Variants in PLD5 observed in about 807,000 individuals in gnomAD.
PLD5 encodes inactive phospholipase D5.
PLD5 carries 36 observed loss-of-function variants against 61.1 expected under a neutral mutation model. The observed-to-expected ratio is 0.59, with a 90% confidence interval of 0.45 to 0.78. The LOEUF (loss-of-function observed/expected upper bound fraction) is 0.78. Among genes scored for constraint, PLD5 ranks in the 30% least tolerant of loss-of-function variants. PLD5 has a pLI of 0.00. For synonymous variants in PLD5, 243 were observed against 242.8 expected (o/e 1.00, Z -0.01); for missense variants, 515 against 644.4 (o/e 0.80, Z 2.17).
In PLD5 at chr1:242,271,766, A is replaced by T. The variant is rs543277152; in HGVS notation, c.496-6318T>A. ...TAAATAACACTGAACACCATCAAAGAAGATGAGGGGAGAAGAAATAAGTGA... is the reference window on the plus strand; with the variant it reads ...TAAATAACACTGAACACCATCAAAGTAGATGAGGGGAGAAGAAATAAGTGA... On this transcript the variant is annotated intron_variant, in intron 3 of 9. Coordinates refer to ENST00000536534, the MANE Select transcript of PLD5 (RefSeq NM_001372062.1). Among the ~76,000 whole-genome samples, 15 of 152,264 alleles carry T rather than the reference A, an allele frequency of 9.9e-5. No homozygotes were observed. In the South Asian group the frequency reaches 3.1e-3, roughly 32 times the overall value.
intron 1 of PLD5, among the ~76,000 whole-genome samples, chr1:242,483,276 G>A (rs1034962872): frequency 1.9e-4 from 29 of 152,238 alleles, no homozygotes; most frequent in Admixed American, 5.9e-4. Context: ...ATTGGATAAA[G>A]AGTCAAGACC....
intron 5 of PLD5, among the ~76,000 whole-genome samples, chr1:242,207,852 TTATATATTTA>T (rs1558344121): frequency 6.5e-4 from 18 of 27,796 alleles, no homozygotes; most frequent in South Asian, 3.1e-3. Flanking sequence ...TTATATATAT[TTATATATTTA>T]TATATTTATA....
At chr1:242,385,374 G>A (rs958396655) in intron 1 of PLD5, among the ~76,000 whole-genome samples, 2 of 152,062 alleles carry the variant, frequency 1.3e-5, no homozygotes, top group Non-Finnish European at 2.9e-5. Context: ...CTCCTAGATC[G>A]ATTGTATTAC....
chr1:242,171,692 G>C (rs1453956721), intron 5 of PLD5, among the ~76,000 whole-genome samples: 1 of 147,774 alleles, frequency 6.8e-6, no homozygotes, highest in Admixed American at 6.9e-5. Flanking sequence ...AAGAGAGGGA[G>C]GAATATTTAC....
intron 1 of PLD5, among the ~76,000 whole-genome samples, chr1:242,461,317 A>G (rs967174838): frequency 6.6e-5 from 10 of 152,132 alleles, no homozygotes; most frequent in African/African-American, 2.2e-4. Flanking sequence ...GATATTTTAT[A>G]TTGATTTATT....
At chr1:242,171,200 A>C (rs367604673) in intron 5 of PLD5, among the ~76,000 whole-genome samples, 1 of 152,362 alleles carries the variant, frequency 6.6e-6, no homozygotes, top group East Asian at 1.9e-4. Context: ...CTCTGCAGAA[A>C]GCCTACAAGC....
chr1:242,436,642 T>A (rs1002618865), intron 1 of PLD5, among the ~76,000 whole-genome samples: 4 of 152,228 alleles, frequency 2.6e-5, no homozygotes, highest in African/African-American at 9.6e-5. Flanking sequence ...AGAGATTTGA[T>A]GTTTATCGAG....
intron 2 of PLD5, among the ~76,000 whole-genome samples, chr1:242,299,617 T>A (rs955961095): frequency 5.3e-5 from 8 of 152,226 alleles, no homozygotes; most frequent in African/African-American, 1.7e-4. Flanking sequence ...CTGGGTGTTT[T>A]TCCCCCCAAG....
chr1:242,458,042 T>A (rs1157970726), intron 1 of PLD5, among the ~76,000 whole-genome samples: 1 of 152,190 alleles, frequency 6.6e-6, no homozygotes, highest in Non-Finnish European at 1.5e-5. Flanking sequence ...TGGATGTCTC[T>A]CATTAGATAT....
intron 5 of PLD5, among the ~76,000 whole-genome samples, chr1:242,168,523 T>C (rs538970167): frequency 1.4e-4 from 21 of 152,296 alleles, no homozygotes; most frequent in African/African-American, 4.8e-4. Flanking sequence ...TAATTTGGGG[T>C]TACAGAATAC....
chr1:242,467,814 C>G (rs1210697039), intron 1 of PLD5, among the ~76,000 whole-genome samples: 1 of 152,056 alleles, frequency 6.6e-6, no homozygotes, highest in African/African-American at 2.4e-5. Context: ...CCAAAATGGC[C>G]TTTGTTAGAG....
At chr1:242,335,285 G>A (rs1301687024) in intron 2 of PLD5, among the ~76,000 whole-genome samples, 1 of 152,048 alleles carries the variant, frequency 6.6e-6, no homozygotes, top group South Asian at 2.1e-4. Flanking sequence ...CACAATATCT[G>A]CCTTAGTATA....
chr1:242,480,509 T>G (rs1411381347), intron 1 of PLD5, among the ~76,000 whole-genome samples: 1 of 151,856 alleles, frequency 6.6e-6, no homozygotes, highest in Non-Finnish European at 1.5e-5. Flanking sequence ...AAATCAGATG[T>G]CATCAAAATG....
chr1:242,326,306 T>C (rs1658776777), intron 2 of PLD5, among the ~76,000 whole-genome samples: 1 of 151,712 alleles, frequency 6.6e-6, no homozygotes, highest in Non-Finnish European at 1.5e-5. Flanking sequence ...ATACTAAAGA[T>C]AAAGGTACTG....
At chr1:242,117,350 C>G (rs573672078) in intron 6 of PLD5, among the ~76,000 whole-genome samples, 2 of 151,462 alleles carry the variant, frequency 1.3e-5, no homozygotes, top group Admixed American at 1.3e-4. Context: ...TAATTCTGTT[C>G]TCTGAATTCC....
intron 1 of PLD5, among the ~76,000 whole-genome samples, chr1:242,464,798 T>C (rs75990638): frequency 0.01 from 1,539 of 152,288 alleles, 28 homozygotes; most frequent in African/African-American, 0.035. Context: ...TGTCTATCCA[T>C]ACAGTGAAAT....
At chr1:242,220,738 T>TATTTTA (rs1670529113) in intron 4 of PLD5, among the ~76,000 whole-genome samples, 1 of 150,310 alleles carries the variant, frequency 6.7e-6, no homozygotes, top group Non-Finnish European at 1.5e-5. Flanking sequence ...TATTTTATTT[T>TATTTTA]ATTTTATTTT....
intron 1 of PLD5, among the ~76,000 whole-genome samples, chr1:242,389,956 A>C (rs115410736): frequency 0.014 from 2,166 of 152,032 alleles, 20 homozygotes; most frequent in Non-Finnish European, 0.021. Context: ...ACTATTTACT[A>C]TTGCCAGAGT....
At chr1:242,168,117 T>G in intron 5 of PLD5, among the ~76,000 whole-genome samples, 1 of 152,334 alleles carries the variant, frequency 6.6e-6, no homozygotes, top group African/African-American at 2.4e-5. Context: ...ATCTTATAGA[T>G]GTTTGTTTAT....
Sources: gnomAD v4.1 joint callset for allele counts (sites outside exome capture counted in the v4.1 genomes callset) on GRCh38, gnomAD v4.1.1 for gene constraint, MANE v1.5 for transcripts, NCBI Gene and HGNC (gene_info 2026-07-23, HGNC 2026-07-21) for gene names.